VSIR: variants seen among roughly 807,000 people sequenced by gnomAD.
The protein encoded by VSIR is V-set immunoregulatory receptor, also known as V-type immunoglobulin domain-containing suppressor of T-cell activation.
Under a neutral mutation model 31.0 loss-of-function variants are expected in VSIR, and 10 were observed. The ratio of observed to expected loss-of-function variants is 0.32; its 90% CI spans 0.20 to 0.55. The LOEUF (loss-of-function observed/expected upper bound fraction) is 0.55. Ranked by LOEUF, VSIR falls within the 20% of genes least tolerant of loss-of-function variation. The pLI is 0.93. For synonymous variants in VSIR, 179 were observed against 180.1 expected (o/e 0.99, Z 0.05); for missense variants, 356 against 416.2 (o/e 0.86, Z 1.26).
intron 4 of VSIR, 52 bp downstream of exon 4, chr10:71,755,307 G>A: frequency 6.7e-7 from 1 of 1,497,170 alleles, no homozygotes; most frequent in East Asian, 2.3e-5. Flanking sequence ...ACTGGGGGCT[G>A]GAGCAGGTCA....
chr10:71,772,759 G>T (rs975218043), intron 1 of VSIR, among the ~76,000 whole-genome samples: 1 of 152,194 alleles, frequency 6.6e-6, no homozygotes, highest in Non-Finnish European at 1.5e-5. Flanking sequence ...GCAGGAATCA[G>T]CTGACCACTT....
At chr10:71,759,898 C>CACAT (rs1840268556) in intron 3 of VSIR, among the ~76,000 whole-genome samples, 6 of 50,716 alleles carry the variant, frequency 1.2e-4, no homozygotes, top group Non-Finnish European at 2.5e-4. Context: ...TACACACACA[C>CACAT]ATATATACAC....
At chr10:71,772,401 C>T (rs1840706689) in intron 1 of VSIR, among the ~76,000 whole-genome samples, 1 of 152,238 alleles carries the variant, frequency 6.6e-6, no homozygotes, top group Non-Finnish European at 1.5e-5. Context: ...CCTGGGCCCT[C>T]CCTATAAAGT....
In VSIR at chr10:71,754,046, T is replaced by C. The variant is rs1840071910; in HGVS notation, c.677-1044A>G. 2.6e-5 allele frequency among the ~76,000 whole-genome samples: 4 copies of C among 152,178 alleles called. No individual in the cohort carries two copies. The South Asian group carries it at 8.3e-4, about 32-fold the overall frequency. ...TCCAGCAAACTGCCGTCCTCAAGGC[T>C]CCCAGCCCTTTCCTTTTCTTTTTTT... On this transcript the variant is annotated intron_variant, in intron 4 of 6. Transcript: ENST00000394957.
At chr10:71,755,599 C>A in intron 3 of VSIR, 133 bp from the exon 4 acceptor site, 1 of 777,902 alleles carries the variant, frequency 1.3e-6, no homozygotes. Flanking sequence ...GCTAGACCCC[C>A]AGCAACCTAC....
At chr10:71,759,898 CATAT>C (rs1365274288) in intron 3 of VSIR, among the ~76,000 whole-genome samples, 19 of 50,700 alleles carry the variant, frequency 3.7e-4, no homozygotes, top group South Asian at 2.1e-3. Flanking sequence ...TACACACACA[CATAT>C]ATACACACAC....
At chr10:71,769,726 T>A (rs1211945789) in intron 1 of VSIR, among the ~76,000 whole-genome samples, 2 of 152,024 alleles carry the variant, frequency 1.3e-5, no homozygotes, top group Non-Finnish European at 2.9e-5. Flanking sequence ...CCATGGGAAA[T>A]AAGATCCTAC....
chr10:71,757,270 G>A (rs530309938), intron 3 of VSIR, among the ~76,000 whole-genome samples: 3 of 152,228 alleles, frequency 2.0e-5, no homozygotes, highest in South Asian at 2.1e-4. Flanking sequence ...TGCCTTTGGA[G>A]GGTGAGCTTG....
rs1007781451 is a variant in VSIR at position 71,748,945 on chromosome 10, C to T, written c.*2308G>A. On this transcript the variant is annotated 3_prime_UTR_variant, in exon 7 of 7. Transcript: ENST00000394957. ...GCTGAAAACAGGAAACCACGAAGCC[C>T]AGATGCGTTCAGTTGTAAAAGGGTC... The T allele has an allele frequency of 1.3e-5, 2 of 152,914 alleles. No individual in the cohort carries two copies. The highest frequency in any genetic ancestry group is 4.8e-5 in the African/African-American group (2 of 41,474). 9.5% of individuals were successfully genotyped at this position (152,914 alleles called of 1,614,324 possible). A position where few individuals can be genotyped will look rare whatever the true frequency, so the allele number is the denominator to read the frequency against.
intron 3 of VSIR, among the ~76,000 whole-genome samples, chr10:71,759,902 T>C (rs1369297978): frequency 1.5e-4 from 13 of 83,940 alleles, no homozygotes; most frequent in South Asian, 4.4e-4. Context: ...CACACACATA[T>C]ATACACACAC....
chr10:71,752,898 C>T lies in VSIR; in HGVS notation c.704+77G>A. ...AGCTGCTCTAGGCAGCTAAACAGGG[C>T]CCCTACTGCACAGAAGTATCTCTTC... is the stretch of plus-strand genomic sequence containing the variant. On this transcript the variant is annotated intron_variant, in intron 5 of 6. Coordinates refer to ENST00000394957, the MANE Select transcript of VSIR (RefSeq NM_022153.2). 3.3e-6 allele frequency: 5 copies of T among 1,531,276 alleles called. No individual in the cohort carries two copies. In the South Asian group the frequency reaches 4.6e-5, roughly 14 times the overall value. The allele number at this position is 1,531,276 out of a possible 1,614,324, so 94.9% of individuals were successfully genotyped here.
intron 1 of VSIR, among the ~76,000 whole-genome samples, chr10:71,765,928 G>A (rs764520843): frequency 6.6e-6 from 1 of 152,152 alleles, no homozygotes; most frequent in South Asian, 2.1e-4. Flanking sequence ...GGGAGGGAGG[G>A]AAGGCCAGAA....
intron 3 of VSIR, 160 bp downstream of exon 3, chr10:71,760,708 A>T: frequency 1.5e-6 from 1 of 683,964 alleles, no homozygotes; most frequent in Non-Finnish European, 2.6e-6. Flanking sequence ...GATTGCACCA[A>T]GGAGGAAGCA....
chr10:71,755,363 G>T lies in VSIR; in HGVS notation c.672C>A (p.Asn224Lys). 1 of 1,608,374 alleles carries T rather than the reference G, an allele frequency of 6.2e-7. No individual in the cohort carries two copies. Among genetic ancestry groups the T allele is most frequent in the Non-Finnish European group, 8.5e-7 (1 of 1,176,588 alleles). Residue 224 changes from asparagine to lysine, a missense_variant, in exon 4 of 7, where the codon AAC becomes AAA. Transcript: ENST00000394957. ...CAGGCAGGGAGGAATACTCACGGCG[G>T]TTGGAGGCTGCCTGCCTTTGCTTGT... ...LVYKQRQAASNRRAQELVRMD... is the reference protein window; with the variant it reads ...LVYKQRQAASKRRAQELVRMD...
intron 3 of VSIR, among the ~76,000 whole-genome samples, chr10:71,759,830 C>CAA (rs1346286858): frequency 3.5e-5 from 2 of 57,474 alleles, no homozygotes; most frequent in Non-Finnish European, 8.8e-5. Context: ...TACACACACA[C>CAA]ACACACACAC....
intron 1 of VSIR, among the ~76,000 whole-genome samples, chr10:71,763,553 A>T (rs1306314985): frequency 6.6e-6 from 1 of 152,194 alleles, no homozygotes; most frequent in Non-Finnish European, 1.5e-5. Flanking sequence ...CCCAGCCAGG[A>T]GGGAGGCAGC....
intron 4 of VSIR, among the ~76,000 whole-genome samples, chr10:71,753,341 G>T (rs1044121376): frequency 2.0e-5 from 3 of 152,234 alleles, no homozygotes; most frequent in African/African-American, 4.8e-5. Context: ...AGACCTTCAG[G>T]ATTTAAGTAT....
At chr10:71,754,973 G>C in intron 4 of VSIR, 1 of 413,962 alleles carries the variant, frequency 2.4e-6, no homozygotes. Flanking sequence ...ATCATTTTTT[G>C]TCCCAACAAT....
At chr10:71,764,720 T>C (rs962108362) in intron 1 of VSIR, among the ~76,000 whole-genome samples, 1 of 152,238 alleles carries the variant, frequency 6.6e-6, no homozygotes, top group African/African-American at 2.4e-5. Flanking sequence ...CCGTGGTTTC[T>C]TGGTCCTGTG....
Sources: gnomAD v4.1 joint callset for allele counts (sites outside exome capture counted in the v4.1 genomes callset) on GRCh38, gnomAD v4.1.1 for gene constraint, MANE v1.5 for transcripts, NCBI Gene and HGNC (gene_info 2026-07-23, HGNC 2026-07-21) for gene names.